DCC: variants seen among roughly 807,000 people sequenced by gnomAD.
The protein encoded by DCC is netrin receptor DCC.
Under a neutral mutation model 172.5 loss-of-function variants are expected in DCC, and 58 were observed. That is an observed-to-expected ratio of 0.34 (90% CI 0.27 to 0.42). DCC has a LOEUF of 0.42. Among genes scored for constraint, DCC ranks in the 10% least tolerant of loss-of-function variants. DCC has a pLI of 1.00. For synonymous variants in DCC, 709 were observed against 644.5 expected (o/e 1.10, Z -1.52); for missense variants, 1,740 against 1,791.0 (o/e 0.97, Z 0.51).
chr18:53,291,298 AATT>A (rs1158234332), intron 12 of DCC, among the ~76,000 whole-genome samples: 1 of 152,108 alleles, frequency 6.6e-6, no homozygotes, highest in Non-Finnish European at 1.5e-5. Flanking sequence ...CGTTTGTCAC[AATT>A]ATTTTATCAT....
intron 2 of DCC, among the ~76,000 whole-genome samples, chr18:52,812,674 CAG>C (rs1361799746): frequency 6.6e-6 from 1 of 152,202 alleles, no homozygotes; most frequent in African/African-American, 2.4e-5. Flanking sequence ...TCAGAAAACT[CAG>C]TGGCTTAAAT....
At chr18:52,546,560 T>C (rs938781918) in intron 1 of DCC, among the ~76,000 whole-genome samples, 1 of 152,128 alleles carries the variant, frequency 6.6e-6, no homozygotes, top group East Asian at 1.9e-4. Context: ...AAGATGTTAC[T>C]GCTGGATAGA....
At chr18:53,156,999 T>C (rs2054748415) in intron 7 of DCC, among the ~76,000 whole-genome samples, 2 of 152,184 alleles carry the variant, frequency 1.3e-5, no homozygotes, top group Admixed American at 1.3e-4. Context: ...TCCACAGTTC[T>C]AAGGTCTTTC....
chr18:53,205,494 A>G lies in DCC; in HGVS notation c.1722+130A>G. 2.3e-6 allele frequency: 2 copies of G among 882,696 alleles called. 1 individual carries two copies. The highest frequency in any genetic ancestry group is 3.7e-5 in the Admixed American group (2 of 54,754). The allele number at this position is 882,696 out of a possible 1,614,324, so 54.7% of individuals were successfully genotyped here. On this transcript the variant is annotated intron_variant, in intron 10 of 28. Coordinates refer to ENST00000442544, the MANE Select transcript of DCC (RefSeq NM_005215.4). The stretch of plus-strand genomic sequence containing the variant: ...CAGCCCAGTGTTAACACATTCATTG[A>G]AAAGCTGATTAGTTTTAAAGCACTT...
chr18:53,308,186 T>C (rs2057225482), intron 13 of DCC, among the ~76,000 whole-genome samples: 1 of 151,604 alleles, frequency 6.6e-6, no homozygotes, highest in South Asian at 2.1e-4. Context: ...TCAGACACAG[T>C]TGTATCTTGG....
chr18:53,519,094 G>C (rs2046371071), intron 27 of DCC, among the ~76,000 whole-genome samples: 1 of 151,982 alleles, frequency 6.6e-6, no homozygotes, highest in African/African-American at 2.4e-5. Flanking sequence ...CTTAAGGAGA[G>C]GCAAGAAATC....
At chr18:52,816,449 G>A (rs2038298266) in intron 2 of DCC, among the ~76,000 whole-genome samples, 1 of 152,162 alleles carries the variant, frequency 6.6e-6, no homozygotes, top group Admixed American at 6.5e-5. Context: ...CAAGGTGGCG[G>A]AGCACTGAAT....
intron 1 of DCC, among the ~76,000 whole-genome samples, chr18:52,515,626 A>AAAAAAAAAAAAAC (rs2031609444): frequency 7.6e-6 from 1 of 131,568 alleles, no homozygotes; most frequent in Non-Finnish European, 1.7e-5. Flanking sequence ...AAAAAAAAAA[A>AAAAAAAAAAAAAC]TCATACAGGT....
At chr18:52,985,702 T>A (rs2041282515) in intron 5 of DCC, among the ~76,000 whole-genome samples, 1 of 152,116 alleles carries the variant, frequency 6.6e-6, no homozygotes, top group Non-Finnish European at 1.5e-5. Flanking sequence ...ATTAGATAGA[T>A]GTTGGCATCC....
intron 1 of DCC, among the ~76,000 whole-genome samples, chr18:52,656,856 A>G (rs2035263944): frequency 1.3e-5 from 2 of 152,064 alleles, no homozygotes; most frequent in Admixed American, 1.3e-4. Flanking sequence ...ATACAAATAT[A>G]TCCTTACTGC....
At chr18:52,639,996 T>C (rs2034858450) in intron 1 of DCC, among the ~76,000 whole-genome samples, 1 of 152,090 alleles carries the variant, frequency 6.6e-6, no homozygotes, top group Non-Finnish European at 1.5e-5. Context: ...TCCAACAACA[T>C]ATCAAGAAGA....
intron 1 of DCC, among the ~76,000 whole-genome samples, chr18:52,359,295 G>A (rs77064965): frequency 0.034 from 5,167 of 152,250 alleles, 293 homozygotes; most frequent in African/African-American, 0.12. Flanking sequence ...TAATATTTAT[G>A]AAATTGTATG....
chr18:52,554,217 C>G (rs1598909244), intron 1 of DCC, among the ~76,000 whole-genome samples: 1 of 151,982 alleles, frequency 6.6e-6, no homozygotes, highest in Non-Finnish European at 1.5e-5. Flanking sequence ...AGAAAGATAA[C>G]TAGTGGGTTA....
intron 2 of DCC, among the ~76,000 whole-genome samples, chr18:52,890,835 G>T (rs1321355637): frequency 6.6e-6 from 1 of 152,024 alleles, no homozygotes; most frequent in East Asian, 1.9e-4. Context: ...TATGAAAAGA[G>T]TTTGCCTCAA....
At chr18:53,117,640 G>A (rs910236127) in intron 7 of DCC, among the ~76,000 whole-genome samples, 2 of 151,548 alleles carry the variant, frequency 1.3e-5, no homozygotes, top group African/African-American at 2.4e-5. Flanking sequence ...AGATTTAACC[G>A]CTTTTTCAAT....
intron 14 of DCC, 91 bp downstream of exon 14, chr18:53,322,248 T>G (rs1021156062): frequency 2.7e-6 from 2 of 751,274 alleles, no homozygotes; most frequent in South Asian, 1.4e-5. Flanking sequence ...AACTCCAACT[T>G]TGGGGACATT....
chr18:53,025,781 G>T (rs985996964), intron 5 of DCC, among the ~76,000 whole-genome samples: 1 of 132,292 alleles, frequency 7.6e-6, no homozygotes, highest in African/African-American at 2.9e-5. Flanking sequence ...AGATTTAATG[G>T]GCAAAAACTA....
chr18:52,709,765 C>T (rs1486663049), intron 1 of DCC, among the ~76,000 whole-genome samples: 2 of 152,004 alleles, frequency 1.3e-5, no homozygotes, highest in African/African-American at 2.4e-5. Context: ...GACTTCGAAA[C>T]CATTAGAAAA....
intron 12 of DCC, among the ~76,000 whole-genome samples, chr18:53,261,712 C>T (rs996466184): frequency 6.6e-6 from 1 of 152,068 alleles, no homozygotes; most frequent in Non-Finnish European, 1.5e-5. Flanking sequence ...GGGGTTTCAC[C>T]ATGGTCTTGA....
Sources: gnomAD v4.1 joint callset for allele counts (sites outside exome capture counted in the v4.1 genomes callset) on GRCh38, gnomAD v4.1.1 for gene constraint, MANE v1.5 for transcripts, NCBI Gene and HGNC (gene_info 2026-07-23, HGNC 2026-07-21) for gene names.